SNX19: variants seen among roughly 807,000 people sequenced by gnomAD.
SNX19 encodes sorting nexin-19.
A neutral mutation model predicts 85.2 loss-of-function variants in SNX19; 60 were observed. That is an observed-to-expected ratio of 0.70 (90% confidence interval 0.57 to 0.87). The LOEUF (loss-of-function observed/expected upper bound fraction) is 0.87, where lower values mean the gene tolerates loss of function less well. Among genes scored for constraint, SNX19 ranks in the 40% least tolerant of loss-of-function variants. SNX19 has a pLI of 0.00. For synonymous variants in SNX19, 520 were observed against 470.0 expected (o/e 1.11, Z -1.38); for missense variants, 1,201 against 1,217.8 (o/e 0.99, Z 0.21).
chr11:130,915,359 C>G lies in SNX19; in HGVS notation c.581G>C (p.Arg194Pro), dbSNP rs181345241. The change falls in exon 1 of 11, where the codon CGG becomes CCG. Residue 194 changes from arginine (R) to proline (P), a missense_variant. Arg to Pro is a moderately radical substitution (Grantham distance 103). Coordinates refer to ENST00000265909, the MANE Select transcript of SNX19 (RefSeq NM_014758.3). The part of the protein sequence containing the change: ...EPSHLWEAYC[R>P]ATAPHPAVHS... Reference sequence around the variant, plus strand: ...CACAGCAGGATGTGGGGCAGTCGCCCGGCAGTAAGCCTCCCAGAGGTGGGA... The same window carrying G: ...CACAGCAGGATGTGGGGCAGTCGCCGGGCAGTAAGCCTCCCAGAGGTGGGA... 1 of 1,614,118 alleles carries G rather than the reference C, an allele frequency of 6.2e-7. No individual in the cohort carries two copies. Among genetic ancestry groups the G allele is most frequent in the Admixed American group, 1.7e-5 (1 of 60,034 alleles).
intron 8 of SNX19, among the ~76,000 whole-genome samples, chr11:130,887,510 GCT>G (rs1944175746): frequency 6.6e-6 from 1 of 152,144 alleles, no homozygotes; most frequent in Non-Finnish European, 1.5e-5. Context: ...AGAAACTTGG[GCT>G]TTTATCTTAG....
chr11:130,916,392 G>C lies in SNX19; in HGVS notation c.-453C>G, dbSNP rs1053517624. ...CATCGCGGTCCTCTCCGGGAGCCTC[G>C]GCCCTCTGCCGCCGTAAACCTGGGC... On this transcript the variant is annotated 5_prime_UTR_variant, in exon 1 of 11. Coordinates refer to ENST00000265909, the MANE Select transcript of SNX19 (RefSeq NM_014758.3). 1 of 157,270 alleles carries C rather than the reference G, an allele frequency of 6.4e-6. No homozygotes were observed. Among genetic ancestry groups the C allele is most frequent in the African/African-American group, 2.4e-5 (1 of 41,558 alleles). 9.7% of individuals were successfully genotyped at this position (157,270 alleles called of 1,614,324 possible). A position where few individuals can be genotyped will look rare whatever the true frequency, so the allele number is the denominator to read the frequency against.
chr11:130,911,739 G>A lies in SNX19; in HGVS notation c.1707C>T (p.Ser569=), dbSNP rs769597036. ...YETALDGENS[S]GLQQLAYHTV... is the part of the protein sequence containing the mutation. ...TGTGGTAGGCCAGCTGCTGCAGGCC[G>A]CTGCTGTTTTCACCGTCAAGGGCTG... Residue 569 remains serine (S), a synonymous_variant, in exon 2 of 11, where the codon AGC becomes AGT. Coordinates refer to ENST00000265909, the MANE Select transcript of SNX19 (RefSeq NM_014758.3). 5 of 1,613,992 alleles carry A rather than the reference G, an allele frequency of 3.1e-6. No homozygotes were observed. Among genetic ancestry groups the A allele is most frequent in the South Asian group, 1.1e-5 (1 of 91,068 alleles).
At chr11:130,907,876 A>C in intron 5 of SNX19, 77 bp downstream of exon 5, 1 of 1,582,694 alleles carries the variant, frequency 6.3e-7, no homozygotes. Context: ...GCTTGAGAAT[A>C]GGGTGAGTGT....
chr11:130,876,717 T>G lies in SNX19; in HGVS notation c.*1705A>C, dbSNP rs1943276095. On this transcript the variant is annotated 3_prime_UTR_variant, in exon 11 of 11. Transcript: ENST00000265909. ...TAATGATCAGCTCTAATACATTGGC[T>G]GGACTCCTGCAGGTACTCACGGAAA... The G allele has an allele frequency of 6.6e-6, 1 of 152,664 alleles. No homozygotes were observed. Among genetic ancestry groups the G allele is most frequent in the African/African-American group, 2.4e-5 (1 of 41,452 alleles). The allele number at this position is 152,664 out of a possible 1,614,324, so 9.5% of individuals were successfully genotyped here. A position where few individuals can be genotyped will look rare whatever the true frequency, so the allele number is the denominator to read the frequency against.
At chr11:130,895,162 G>T (rs1168578412) in intron 8 of SNX19, 1 of 985,340 alleles carries the variant, frequency 1.0e-6, no homozygotes, top group African/African-American at 1.7e-5. Context: ...GCACTCTTTG[G>T]AAAGGAGAGA....
At chr11:130,895,512 G>A (rs1308170343) in intron 8 of SNX19, among the ~76,000 whole-genome samples, 2 of 152,172 alleles carry the variant, frequency 1.3e-5, no homozygotes, top group African/African-American at 4.8e-5. Context: ...CCCTCAGGAT[G>A]CTGACATACA....
At chr11:130,889,579 G>A (rs1361659535) in intron 8 of SNX19, among the ~76,000 whole-genome samples, 1 of 152,134 alleles carries the variant, frequency 6.6e-6, no homozygotes, top group Non-Finnish European at 1.5e-5. Context: ...TGTTCTTACA[G>A]CATGTAAAAC....
At chr11:130,906,366 G>A (rs1018466182) in intron 6 of SNX19, among the ~76,000 whole-genome samples, 2 of 151,968 alleles carry the variant, frequency 1.3e-5, no homozygotes, top group African/African-American at 4.8e-5. Flanking sequence ...TTTTTTTCCA[G>A]GAACTAGCTT....
chr11:130,871,388 G>A lies in SNX19; in HGVS notation c.*7034C>T, dbSNP rs563869932. On this transcript the variant is annotated 3_prime_UTR_variant, in exon 11 of 11. Coordinates refer to ENST00000265909, the MANE Select transcript of SNX19 (RefSeq NM_014758.3). ...TAAAGTGGCAAGGAACTGGCCTGCC[G>A]TCAGCTCACTGAATTTGGATTCCAT... Among the ~76,000 whole-genome samples the A allele has an allele frequency of 3.4e-4, 52 of 152,244 alleles. No homozygotes were observed. Among genetic ancestry groups the A allele is most frequent in the African/African-American group, 1.1e-3 (47 of 41,548 alleles).
Position 130,874,264 on chromosome 11 carries a change from C to G in SNX19, c.*4158G>C, listed in dbSNP as rs886160920. Among the ~76,000 whole-genome samples, 35 of 152,100 alleles carry G rather than the reference C, an allele frequency of 2.3e-4. No homozygotes were observed. Among genetic ancestry groups the G allele is most frequent in the Non-Finnish European group, 4.7e-4 (32 of 68,004 alleles). On this transcript the variant is annotated 3_prime_UTR_variant, in exon 11 of 11. Coordinates refer to ENST00000265909, the MANE Select transcript of SNX19 (RefSeq NM_014758.3). ...CTTAAACTCCTGGACTCAAACAATCCCCCAACCTTGGCCTCCCAAAGTGTT... is the reference window on the plus strand; with the variant it reads ...CTTAAACTCCTGGACTCAAACAATCGCCCAACCTTGGCCTCCCAAAGTGTT...
At chr11:130,891,536 G>A (rs1158685026) in intron 8 of SNX19, among the ~76,000 whole-genome samples, 1 of 152,178 alleles carries the variant, frequency 6.6e-6, no homozygotes, top group Non-Finnish European at 1.5e-5. Context: ...AAAGCAAAGG[G>A]GGGTTATGAG....
At position 130,877,963 on chromosome 11, in the gene SNX19, G is replaced by T. The variant is rs1343555312; in HGVS notation, c.*459C>A. The T allele has an allele frequency of 6.6e-6, 1 of 152,410 alleles. No individual in the cohort carries two copies. The highest frequency in any genetic ancestry group is 2.4e-5 in the African/African-American group (1 of 41,450). 9.4% of individuals were successfully genotyped at this position (152,410 alleles called of 1,614,324 possible). ...GCCCTGAATGAATTTTTAGTTTCCG[G>T]GTAGGAACAGAGAGCTGAGAAGGTT... On this transcript the variant is annotated 3_prime_UTR_variant, in exon 11 of 11. Coordinates refer to ENST00000265909, the MANE Select transcript of SNX19 (RefSeq NM_014758.3).
rs774651787 is a variant in SNX19 at position 130,903,238 on chromosome 11, G to T, written c.2573+17C>A. ...CAACTTGAGATTCTGATGTGAGGGA[G>T]AATTCAGCAGTCTTACCTTTGAACT... On this transcript the variant is annotated intron_variant, in intron 8 of 10. Transcript: ENST00000265909. 9.3e-6 allele frequency: 15 copies of T among 1,613,082 alleles called. No homozygotes were observed. In the Admixed American group the frequency reaches 2.5e-4, roughly 27 times the overall value.
At chr11:130,884,727 G>A (rs1221378917) in intron 8 of SNX19, among the ~76,000 whole-genome samples, 2 of 151,794 alleles carry the variant, frequency 1.3e-5, no homozygotes, top group African/African-American at 4.8e-5. Flanking sequence ...AAAATTAGCT[G>A]GGCACGGTGG....
At position 130,866,504 on chromosome 11, in the gene SNX19, C is replaced by T. The variant is rs1423039979; in HGVS notation, c.*11918G>A. ...CATTGCAATGAGTTACCCAATCAAG[C>T]CCTTTTACCTCCTTAAGATGGCAGA... On this transcript the variant is annotated 3_prime_UTR_variant, in exon 11 of 11. Coordinates refer to ENST00000265909, the MANE Select transcript of SNX19 (RefSeq NM_014758.3). 1.3e-5 allele frequency: 2 copies of T among 152,190 alleles called. No individual in the cohort carries two copies. The highest frequency in any genetic ancestry group is 2.9e-5 in the Non-Finnish European group (2 of 68,028). 9.4% of individuals were successfully genotyped at this position (152,190 alleles called of 1,614,324 possible). A position where few individuals can be genotyped will look rare whatever the true frequency, so the allele number is the denominator to read the frequency against.
chr11:130,881,567 A>G (rs974011756), intron 8 of SNX19, among the ~76,000 whole-genome samples: 1 of 152,298 alleles, frequency 6.6e-6, no homozygotes, highest in Middle Eastern at 3.4e-3. Flanking sequence ...CGATCTTTAA[A>G]CAAATTCCTC....
At position 130,900,071 on chromosome 11, in the gene SNX19, T is replaced by C. The variant is rs539100680; in HGVS notation, c.2573+3184A>G. On this transcript the variant is annotated intron_variant, in intron 8 of 10. Coordinates refer to ENST00000265909, the MANE Select transcript of SNX19 (RefSeq NM_014758.3). ...CAGCTCACTGGAGTTGTGGTTGTAGTTGGGGAGTGTCAGGGACAGGAATGG... is the reference window on the plus strand; with the variant it reads ...CAGCTCACTGGAGTTGTGGTTGTAGCTGGGGAGTGTCAGGGACAGGAATGG... 2.0e-5 allele frequency among the ~76,000 whole-genome samples: 3 copies of C among 152,286 alleles called. No individual in the cohort carries two copies. In the South Asian group the frequency reaches 6.2e-4, roughly 32 times the overall value.
At position 130,916,333 on chromosome 11, in the gene SNX19, C is replaced by T. The variant is rs73583902; in HGVS notation, c.-394G>A. On this transcript the variant is annotated 5_prime_UTR_variant, in exon 1 of 11. Coordinates refer to ENST00000265909, the MANE Select transcript of SNX19 (RefSeq NM_014758.3). ...CTGGGTCACACGCCGCCGGGAACCG[C>T]GCGCCCACACTCAGCCCCGACCTGA... is the stretch of plus-strand genomic sequence containing the variant. The T allele has an allele frequency of 0.012, 2,302 of 199,558 alleles. 58 individuals carry two copies. Among genetic ancestry groups the T allele is most frequent in the African/African-American group, 0.05 (2,133 of 43,062 alleles). 12.4% of individuals were successfully genotyped at this position (199,558 alleles called of 1,614,324 possible). A position where few individuals can be genotyped will look rare whatever the true frequency, so the allele number is the denominator to read the frequency against.
Sources: gnomAD v4.1 joint callset for allele counts (sites outside exome capture counted in the v4.1 genomes callset) on GRCh38, gnomAD v4.1.1 for gene constraint, MANE v1.5 for transcripts, NCBI Gene and HGNC (gene_info 2026-07-23, HGNC 2026-07-21) for gene names.